CAPN2: variants seen among roughly 807,000 people sequenced by gnomAD.
The protein encoded by CAPN2 is calpain 2, also known as calpain-2 catalytic subunit.
In CAPN2, 92 loss-of-function variants were observed where a neutral mutation model predicts 102.3. The ratio of observed to expected loss-of-function variants is 0.90; its 90% CI spans 0.76 to 1.07. CAPN2 has a LOEUF of 1.07. Ranked by LOEUF, CAPN2 falls within the 50% of genes least tolerant of loss-of-function variation. CAPN2 has a pLI of 0.00. For missense variants in CAPN2, 800 were observed against 909.4 expected (o/e 0.88, Z 1.55); for synonymous variants, 340 against 355.4 (o/e 0.96, Z 0.49).
chr1:223,706,980 T>A (rs937792029), intron 1 of CAPN2, among the ~76,000 whole-genome samples: 5 of 150,378 alleles, frequency 3.3e-5, no homozygotes, highest in East Asian at 2.0e-4. Flanking sequence ...CTCAAGAGGC[T>A]GAGGCAGGAG....
intron 1 of CAPN2, among the ~76,000 whole-genome samples, chr1:223,703,090 A>T (rs1016148062): frequency 5.3e-5 from 8 of 152,128 alleles, no homozygotes; most frequent in African/African-American, 1.9e-4. Context: ...TTTCTCCCCC[A>T]TTTGCTCTGC....
intron 20 of CAPN2, chr1:223,773,263 A>G (rs760330068): frequency 6.6e-5 from 10 of 152,250 alleles, no homozygotes; most frequent in Non-Finnish European, 1.3e-4. Flanking sequence ...TCTCTAAAAA[A>G]ATAAAAAATT....
At chr1:223,761,366 T>C (rs1489573279) in intron 12 of CAPN2, among the ~76,000 whole-genome samples, 1 of 152,140 alleles carries the variant, frequency 6.6e-6, no homozygotes, top group Non-Finnish European at 1.5e-5. Context: ...CAGAGAAATG[T>C]TATCACAGAA....
intron 6 of CAPN2, chr1:223,749,349 G>A: frequency 1.7e-6 from 1 of 591,062 alleles, no homozygotes; most frequent in Non-Finnish European, 3.0e-6. Flanking sequence ...GGCGCCAGGG[G>A]CCCTGGTTTT....
Position 223,755,059 on chromosome 1 carries a change from T to C in CAPN2, c.1136-421T>C, listed in dbSNP as rs1660996161. 6.6e-6 allele frequency among the ~76,000 whole-genome samples: 1 copy of C among 152,092 alleles called. No individual in the cohort carries two copies. The highest frequency in any genetic ancestry group is 2.4e-5 in the African/African-American group (1 of 41,392). ...GTTAGATTCAGACAAGTGCAGGTCA[T>C]CCTCTCTCCACAGCTACCGTCACCC... On this transcript the variant is annotated intron_variant, in intron 9 of 20. Coordinates refer to ENST00000295006, the MANE Select transcript of CAPN2 (RefSeq NM_001748.5). The surrounding 1 kb of genome is among the most constrained non-coding windows in gnomAD (Gnocchi z 4.1).
intron 11 of CAPN2, chr1:223,757,813 C>T (rs551317303): frequency 6.9e-5 from 13 of 188,686 alleles, no homozygotes; most frequent in Non-Finnish European, 8.6e-5. Flanking sequence ...ACCTTGGACA[C>T]GTTACAGCTC....
upstream of CAPN2, among the ~76,000 whole-genome samples, chr1:223,708,898 G>A (rs1341102277): frequency 2.0e-5 from 3 of 151,668 alleles, no homozygotes; most frequent in Admixed American, 6.6e-5. Context: ...GAAAAGAGAA[G>A]AGAAAAGAAA....
chr1:223,765,105 A>G (rs1661278157), intron 15 of CAPN2, among the ~76,000 whole-genome samples: 1 of 152,258 alleles, frequency 6.6e-6, no homozygotes, highest in Non-Finnish European at 1.5e-5. Flanking sequence ...AATCTGCATC[A>G]GAGACAAATG....
At chr1:223,749,964 C>G (rs1380619555) in intron 6 of CAPN2, among the ~76,000 whole-genome samples, 1 of 152,118 alleles carries the variant, frequency 6.6e-6, no homozygotes, top group Admixed American at 6.5e-5. Flanking sequence ...GAGCCATGAT[C>G]ATGCCATTGC....
At chr1:223,714,798 G>C (rs1259696449) in intron 1 of CAPN2, among the ~76,000 whole-genome samples, 1 of 152,112 alleles carries the variant, frequency 6.6e-6, no homozygotes, top group African/African-American at 2.4e-5. Context: ...TATGGTTTCT[G>C]CTTCTGAAGA....
upstream of CAPN2, among the ~76,000 whole-genome samples, chr1:223,708,303 T>C (rs985307909): frequency 6.6e-6 from 1 of 151,136 alleles, no homozygotes; most frequent in African/African-American, 2.4e-5. Flanking sequence ...GGATGTCAAA[T>C]AAAAACAAAA....
At position 223,765,325 on chromosome 1, in the gene CAPN2, G is replaced by C. The variant is rs562289645; in HGVS notation, c.1691-1042G>C. On this transcript the variant is annotated intron_variant, in intron 15 of 20. Coordinates refer to ENST00000295006, the MANE Select transcript of CAPN2 (RefSeq NM_001748.5). ...AAGAGGGCTGGGCCAGTCAGGTTAC[G>C]GTCAGTCCAGTGCAGGGCCTCCCCA... Among the ~76,000 whole-genome samples the C allele has an allele frequency of 2.0e-5, 3 of 152,280 alleles. No individual in the cohort carries two copies. The East Asian group carries it at 5.8e-4, about 29-fold the overall frequency.
chr1:223,719,831 T>TGTGTGTGTGTGTGTGC (rs1491465648), intron 2 of CAPN2, among the ~76,000 whole-genome samples: 26 of 96,786 alleles, frequency 2.7e-4, no homozygotes, highest in South Asian at 1.4e-3. Flanking sequence ...TGTGTGTGTG[T>TGTGTGTGTGTGTGTGC]GCGCGCGCGC....
At chr1:223,702,083 G>GAGGA (rs1659491525) in intron 1 of CAPN2, among the ~76,000 whole-genome samples, 1 of 20,400 alleles carries the variant, frequency 4.9e-5, no homozygotes, top group African/African-American at 1.9e-4. Flanking sequence ...GGGAGGGAGG[G>GAGGA]AGGGAGGGAG....
chr1:223,735,512 AGTG>A (rs1306342771), intron 2 of CAPN2, among the ~76,000 whole-genome samples: 6 of 148,320 alleles, frequency 4.0e-5, no homozygotes, highest in African/African-American at 1.5e-4. Context: ...TGGGCAACAG[AGTG>A]AGACTCTATC....
chr1:223,707,011 C>T (rs1399203537), intron 1 of CAPN2, among the ~76,000 whole-genome samples: 6 of 147,082 alleles, frequency 4.1e-5, no homozygotes, highest in African/African-American at 1.0e-4. Flanking sequence ...ACCCGGGAGG[C>T]GGAGGTTGCA....
Position 223,759,487 on chromosome 1 carries a change from C to A in CAPN2, c.1529+6C>A, listed in dbSNP as rs773922618. The A allele has an allele frequency of 6.2e-7, 1 of 1,612,686 alleles. No individual in the cohort carries two copies. Among genetic ancestry groups the A allele is most frequent in the Non-Finnish European group, 8.5e-7 (1 of 1,179,188 alleles). Reference sequence around the variant, plus strand: ...GAAAAGAAAGCTGACTACCAGTAGGCGGTTTGGTCCCTTCCTCTCCCCACC... The same window carrying A: ...GAAAAGAAAGCTGACTACCAGTAGGAGGTTTGGTCCCTTCCTCTCCCCACC... On this transcript the variant is annotated splice_donor_region_variant and intron_variant, in intron 12 of 20. Coordinates refer to ENST00000295006, the MANE Select transcript of CAPN2 (RefSeq NM_001748.5). This position sits in a 1 kb window ranked among gnomAD's most constrained non-coding sequence, Gnocchi z 4.6.
intron 2 of CAPN2, among the ~76,000 whole-genome samples, chr1:223,730,578 T>C (rs1660314037): frequency 6.6e-6 from 1 of 152,212 alleles, no homozygotes; most frequent in South Asian, 2.1e-4. Flanking sequence ...TGTCATGTGA[T>C]GCTCTACTAG....
intron 15 of CAPN2, among the ~76,000 whole-genome samples, chr1:223,764,761 G>A (rs1482498635): frequency 1.3e-5 from 2 of 152,136 alleles, no homozygotes; most frequent in Non-Finnish European, 2.9e-5. Flanking sequence ...GCTAATTTTT[G>A]TATTTTCCTA....
Sources: gnomAD v4.1 joint callset for allele counts (sites outside exome capture counted in the v4.1 genomes callset) on GRCh38, gnomAD v4.1.1 for gene constraint, Gnocchi (gnomAD v3.1) non-coding constraint, MANE v1.5 for transcripts, NCBI Gene and HGNC (gene_info 2026-07-23, HGNC 2026-07-21) for gene names.